Variants in FARS2 observed in about 807,000 individuals in gnomAD.
FARS2 encodes phenylalanine--tRNA ligase, mitochondrial.
FARS2 carries 40 observed loss-of-function variants against 46.4 expected under a neutral mutation model. The ratio of observed to expected loss-of-function variants is 0.86; its 90% confidence interval spans 0.67 to 1.12. The LOEUF is 1.12. Among genes scored for constraint, FARS2 ranks in the 50% most tolerant of loss-of-function variants. The pLI, the probability that FARS2 is intolerant of heterozygous loss-of-function variation, is 0.00. For missense variants in FARS2, 513 were observed against 567.9 expected, an observed-to-expected ratio of 0.90 and a Z score of 0.98; for synonymous variants, 234 against 214.9, an observed-to-expected ratio of 1.09 and a Z score of -0.78.
intron 4 of FARS2, among the ~76,000 whole-genome samples, chr6:5,540,616 A>G (rs994903208): frequency 1.3e-5 from 2 of 152,236 alleles, no homozygotes; most frequent in African/African-American, 4.8e-5. Flanking sequence ...ATTAGCACAG[A>G]TATATGTCTA....
At position 5,311,912 on chromosome 6, in the gene FARS2, T is replaced by C. The variant is rs922290278; in HGVS notation, c.-22+50252T>C. ...TATATTAATTGTGGCCTCAAGTGAA[T>C]TTGCCCATTGTAGGTTTGTCTGGGG... is the stretch of plus-strand genomic sequence containing the variant. On this transcript the variant is annotated intron_variant, in intron 1 of 6. Transcript: ENST00000274680. This position sits in a 1 kb window ranked among gnomAD's most constrained non-coding sequence, Gnocchi z 4.1. Among the ~76,000 whole-genome samples the C allele has an allele frequency of 2.0e-5, 3 of 152,190 alleles. No individual in the cohort carries two copies. Among genetic ancestry groups the C allele is most frequent in the Non-Finnish European group, 4.4e-5 (3 of 68,014 alleles).
At chr6:5,260,841 C>A (rs894821150), upstream of FARS2, 6 of 1,505,620 alleles carry the variant, frequency 4.0e-6, no homozygotes, top group African/African-American at 8.4e-5. Flanking sequence ...TAAAATGCTG[C>A]GGCTCGGCTT....
intron 6 of FARS2, among the ~76,000 whole-genome samples, chr6:5,628,506 C>T (rs1010092634): frequency 3.3e-5 from 5 of 152,220 alleles, no homozygotes; most frequent in African/African-American, 9.6e-5. Context: ...TGGGACTCCA[C>T]GCTTTGGCCC....
chr6:5,251,177 TAC>T, the FARS2 span, among the ~76,000 whole-genome samples: 2 of 151,738 alleles, frequency 1.3e-5, no homozygotes, highest in Non-Finnish European at 2.9e-5. Context: ...AATATATACA[TAC>T]ACACACACAC....
At chr6:5,581,344 C>T (rs1773315961) in intron 5 of FARS2, among the ~76,000 whole-genome samples, 2 of 152,158 alleles carry the variant, frequency 1.3e-5, no homozygotes, top group Non-Finnish European at 2.9e-5. Flanking sequence ...GAGGGTCGGC[C>T]ATCGTGGGCA....
At chr6:5,510,498 T>A (rs1422727089) in intron 4 of FARS2, among the ~76,000 whole-genome samples, 2 of 152,220 alleles carry the variant, frequency 1.3e-5, no homozygotes, top group African/African-American at 4.8e-5. Flanking sequence ...TAGTTAGTCT[T>A]TAAGCTCCTG....
chr6:5,546,875 T>G (rs539925730), intron 5 of FARS2, among the ~76,000 whole-genome samples: 1 of 152,152 alleles, frequency 6.6e-6, no homozygotes, highest in South Asian at 2.1e-4. Flanking sequence ...AAATGCTTGA[T>G]TTTTTCATCC....
At chr6:5,345,247 C>A (rs925614461) in intron 1 of FARS2, among the ~76,000 whole-genome samples, 8 of 151,966 alleles carry the variant, frequency 5.3e-5, no homozygotes, top group African/African-American at 1.9e-4. Flanking sequence ...GTCTGTTCTT[C>A]CACCAGATGT....
intron 6 of FARS2, among the ~76,000 whole-genome samples, chr6:5,686,540 T>A (rs1224823797): frequency 1.3e-5 from 2 of 152,246 alleles, no homozygotes; most frequent in Admixed American, 1.3e-4. Context: ...ACTCGTCCTT[T>A]TTTATGGCTG....
rs541484007 is a variant in FARS2 at position 5,438,918 on chromosome 6, G to T, written c.904+7746G>T. Among the ~76,000 whole-genome samples, 12 of 152,240 alleles carry T rather than the reference G, an allele frequency of 7.9e-5. No individual in the cohort carries two copies. In the South Asian group the frequency reaches 1.0e-3, roughly 13 times the overall value. On this transcript the variant is annotated intron_variant, in intron 4 of 6. Transcript: ENST00000274680. Reference sequence around the variant, plus strand: ...CTGGATCGTCCTGTGATTGACTTTTGTTAAGAATTGGTGATATTTTCCTGG... The same window carrying T: ...CTGGATCGTCCTGTGATTGACTTTTTTTAAGAATTGGTGATATTTTCCTGG...
intron 3 of FARS2, among the ~76,000 whole-genome samples, chr6:5,413,438 T>C (rs1225852634): frequency 1.3e-5 from 2 of 152,194 alleles, no homozygotes; most frequent in Admixed American, 6.5e-5. Flanking sequence ...TTACTGGTAC[T>C]AATAACTCTC....
At chr6:5,576,858 T>C (rs995270514) in intron 5 of FARS2, among the ~76,000 whole-genome samples, 1 of 152,008 alleles carries the variant, frequency 6.6e-6, no homozygotes, top group African/African-American at 2.4e-5. Context: ...TTGAACCTCT[T>C]ATCTTCCCAG....
At chr6:5,697,414 A>G (rs973830704) in intron 6 of FARS2, among the ~76,000 whole-genome samples, 1 of 152,208 alleles carries the variant, frequency 6.6e-6, no homozygotes, top group African/African-American at 2.4e-5. Context: ...CATTGAAGGG[A>G]ATCTTAAGCC....
intron 3 of FARS2, among the ~76,000 whole-genome samples, chr6:5,424,906 AG>A (rs1762762276): frequency 6.6e-6 from 1 of 152,238 alleles, no homozygotes; most frequent in African/African-American, 2.4e-5. Context: ...TGTCTTTGAC[AG>A]TGGCGGCTGC....
At chr6:5,359,225 C>T (rs1053484734) in intron 1 of FARS2, among the ~76,000 whole-genome samples, 17 of 151,422 alleles carry the variant, frequency 1.1e-4, no homozygotes, top group African/African-American at 1.9e-4. Context: ...TTTTTAGTAC[C>T]GGCGGGGTTT....
At chr6:5,259,372 T>C (rs1764841048), upstream of FARS2, among the ~76,000 whole-genome samples, 1 of 152,240 alleles carries the variant, frequency 6.6e-6, no homozygotes, top group Admixed American at 6.5e-5. Flanking sequence ...ATTATTACAC[T>C]CTTTATTCTC....
At chr6:5,480,489 C>G (rs942891946) in intron 4 of FARS2, among the ~76,000 whole-genome samples, 24 of 152,172 alleles carry the variant, frequency 1.6e-4, no homozygotes, top group Non-Finnish European at 1.0e-4. Flanking sequence ...CTGAGATATA[C>G]TAAAATTCAA....
chr6:5,543,385 T>TA (rs1417336377), intron 4 of FARS2, among the ~76,000 whole-genome samples: 1 of 151,536 alleles, frequency 6.6e-6, no homozygotes, highest in Admixed American at 6.6e-5. Flanking sequence ...TGGTTTTTTT[T>TA]TTTTTTTCTC....
At chr6:5,574,371 G>T (rs369420787) in intron 5 of FARS2, among the ~76,000 whole-genome samples, 1 of 152,046 alleles carries the variant, frequency 6.6e-6, no homozygotes, top group Admixed American at 6.6e-5. Flanking sequence ...TGATCTACCC[G>T]CCTCGGCCTC....
Sources: allele counts gnomAD v4.1 joint callset (sites outside exome capture counted in the v4.1 genomes callset), GRCh38; gene constraint gnomAD v4.1.1; non-coding constraint Gnocchi (gnomAD v3.1); transcripts MANE v1.5; gene names NCBI Gene and HGNC (gene_info 2026-07-23, HGNC 2026-07-21).